IPO7: variants seen among roughly 807,000 people sequenced by gnomAD.
IPO7 encodes the protein importin 7.
Under a neutral mutation model 136.4 loss-of-function variants are expected in IPO7, and 13 were observed. That is an observed-to-expected ratio of 0.10 (90% CI 0.06 to 0.15). The LOEUF is 0.15. Ranked by LOEUF, IPO7 falls within the 10% of genes least tolerant of loss-of-function variation. IPO7 has a pLI of 1.00. For missense variants in IPO7, 857 were observed against 1,240.6 expected (o/e 0.69, Z 4.65); for synonymous variants, 403 against 404.4 (o/e 1.00, Z 0.04).
At chr11:9,419,559 A>AAAAT (rs1256216265) in intron 6 of IPO7, among the ~76,000 whole-genome samples, 149 of 116,826 alleles carry the variant, frequency 1.3e-3, no homozygotes, top group African/African-American at 3.1e-3. Context: ...AAAAAAAAAA[A>AAAAT]ATATATATAT....
At chr11:9,387,207 C>A (rs1171323068) in intron 1 of IPO7, among the ~76,000 whole-genome samples, 1 of 152,044 alleles carries the variant, frequency 6.6e-6, no homozygotes, top group Non-Finnish European at 1.5e-5. Flanking sequence ...CATTTAGAAC[C>A]AAAGAATAAG....
intron 6 of IPO7, among the ~76,000 whole-genome samples, chr11:9,417,673 A>T (rs28477541): frequency 6.6e-6 from 1 of 151,456 alleles, no homozygotes; most frequent in Non-Finnish European, 1.5e-5. Context: ...CAAACTTTTT[A>T]AAATTATTAT....
chr11:9,421,488 C>T (rs765191708), intron 8 of IPO7, among the ~76,000 whole-genome samples: 87 of 146,718 alleles, frequency 5.9e-4, no homozygotes, highest in Non-Finnish European at 9.7e-4. Flanking sequence ...ATTAGCTGGG[C>T]GTGGTGGTGC....
At position 9,430,966 on chromosome 11, in the gene IPO7, T is replaced by C; in HGVS notation, c.1844T>C (p.Ile615Thr). ...AVTAMGILNT[I>T]DTLLSVVEDH... Reference sequence around the variant, plus strand: ...ACTGCTATGGGAATTCTGAATACAATTGATACACTTCTTAGTGTAGTTGAA... The same window carrying C: ...ACTGCTATGGGAATTCTGAATACAACTGATACACTTCTTAGTGTAGTTGAA... Residue 615 changes from isoleucine (I) to threonine (T), a missense_variant, in exon 16 of 25, where the codon ATT becomes ACT. Around this residue, in one of 11 missense-constraint regions of IPO7, gnomAD observed 58 missense variants for 122.1 expected, o/e 0.47. Transcript: ENST00000379719. 6.2e-7 allele frequency: 1 copy of C among 1,611,076 alleles called. No homozygotes were observed.
intron 1 of IPO7, among the ~76,000 whole-genome samples, chr11:9,395,355 A>G (rs1017701416): frequency 6.6e-6 from 1 of 151,526 alleles, no homozygotes; most frequent in African/African-American, 2.4e-5. Context: ...GCCATTCTCC[A>G]GCCTCAGCCT....
At chr11:9,411,710 T>G (rs1854970588) in intron 4 of IPO7, among the ~76,000 whole-genome samples, 1 of 152,222 alleles carries the variant, frequency 6.6e-6, no homozygotes, top group Non-Finnish European at 1.5e-5. Flanking sequence ...GTTCTGCAGT[T>G]TGACACATCA....
intron 12 of IPO7, among the ~76,000 whole-genome samples, chr11:9,427,561 T>C (rs1044983225): frequency 3.3e-5 from 5 of 152,156 alleles, no homozygotes; most frequent in Non-Finnish European, 7.4e-5. Flanking sequence ...CACCCGGCCG[T>C]CTTTCATCTT....
intron 6 of IPO7, among the ~76,000 whole-genome samples, chr11:9,420,099 G>A (rs1345172626): frequency 6.6e-6 from 1 of 152,156 alleles, no homozygotes; most frequent in East Asian, 1.9e-4. Context: ...GGAGGCGGGT[G>A]GATCACGAGG....
intron 22 of IPO7, among the ~76,000 whole-genome samples, chr11:9,438,669 A>G (rs987888559): frequency 3.3e-5 from 5 of 152,112 alleles, no homozygotes; most frequent in East Asian, 1.9e-4. Flanking sequence ...CCTTCTCCCA[A>G]ATAAATGTGG....
chr11:9,408,830 C>G (rs1265769335), intron 3 of IPO7, among the ~76,000 whole-genome samples, 191 bp downstream of exon 3: 1 of 148,196 alleles, frequency 6.7e-6, no homozygotes, highest in Non-Finnish European at 1.5e-5. Context: ...TCCTGCCTCT[C>G]AGCTCCACGA....
chr11:9,392,819 C>T (rs992130541), intron 1 of IPO7, among the ~76,000 whole-genome samples: 2 of 151,678 alleles, frequency 1.3e-5, no homozygotes, highest in Admixed American at 6.6e-5. Context: ...CATGGTGTTG[C>T]GTGCCTGTAA....
intron 24 of IPO7, 146 bp downstream of exon 24, chr11:9,442,343 T>C (rs1373126456): frequency 8.0e-6 from 4 of 500,942 alleles, no homozygotes; most frequent in Non-Finnish European, 1.4e-5. Flanking sequence ...TTAACTCTAA[T>C]CTGAGGGATT....
intron 1 of IPO7, among the ~76,000 whole-genome samples, chr11:9,388,774 A>C (rs2133715480): frequency 6.6e-6 from 1 of 151,992 alleles, no homozygotes; most frequent in East Asian, 1.9e-4. Flanking sequence ...TACATAGTAC[A>C]CTACAGCCTA....
chr11:9,426,210 A>G (rs1855205014), intron 12 of IPO7, among the ~76,000 whole-genome samples: 1 of 152,220 alleles, frequency 6.6e-6, no homozygotes, highest in African/African-American at 2.4e-5. Context: ...TAGGCTACCT[A>G]TAGTCCACAT....
chr11:9,417,119 A>G lies in IPO7; in HGVS notation c.697A>G (p.Lys233Glu). ...QNLTEWIEIL[K>E]TVVNRDVPNE... is the part of the protein sequence containing the mutation. ...CCTGACAGAATGGATAGAAATTTTA[A>G]AGACTGTTGTGAACAGGGATGTACC... The change falls in exon 6 of 25, where the codon AAG becomes GAG. Residue 233 changes from lysine to glutamate, a missense_variant. Transcript: ENST00000379719. The G allele has an allele frequency of 6.4e-7, 1 of 1,554,922 alleles. No individual in the cohort carries two copies. The highest frequency in any genetic ancestry group is 1.7e-5 in the Admixed American group (1 of 59,476).
intron 1 of IPO7, among the ~76,000 whole-genome samples, chr11:9,399,957 T>TC (rs948184429): frequency 7.2e-5 from 11 of 152,246 alleles, no homozygotes; most frequent in African/African-American, 2.4e-4. Flanking sequence ...TACACACTTT[T>TC]CCCTTGGTAA....
intron 5 of IPO7, among the ~76,000 whole-genome samples, chr11:9,415,345 A>G (rs986476426): frequency 6.6e-6 from 1 of 151,994 alleles, no homozygotes; most frequent in African/African-American, 2.4e-5. Context: ...GAATTAGTGA[A>G]TCTGAAAACC....
rs761326687 is a variant in IPO7 at position 9,446,393 on chromosome 11, T to G, written c.*1199T>G. 4 of 152,226 alleles carry G rather than the reference T, an allele frequency of 2.6e-5. No individual in the cohort carries two copies. The highest frequency in any genetic ancestry group is 5.9e-5 in the Non-Finnish European group (4 of 68,042). 9.4% of individuals were successfully genotyped at this position (152,226 alleles called of 1,614,324 possible). ...CCATCTCTTCTACCGCTCTTGTTGA[T>G]CGTGGTATCTGATCTTGACTAGATA... On this transcript the variant is annotated 3_prime_UTR_variant, in exon 25 of 25. Transcript: ENST00000379719.
intron 6 of IPO7, 158 bp from the exon 7 acceptor site, chr11:9,420,253 C>A: frequency 1.8e-6 from 1 of 540,768 alleles, no homozygotes; most frequent in Non-Finnish European, 3.3e-6. Flanking sequence ...GGAGGCGGAG[C>A]TTGCAGTGAG....
Sources: gnomAD v4.1 joint callset for allele counts (sites outside exome capture counted in the v4.1 genomes callset) on GRCh38, gnomAD v4.1.1 for gene constraint, gnomAD v4.1.1 regional missense constraint, MANE v1.5 for transcripts, NCBI Gene and HGNC (gene_info 2026-07-23, HGNC 2026-07-21) for gene names.